MAF: variants seen among roughly 807,000 people sequenced by gnomAD.
The protein encoded by MAF is MAF bZIP transcription factor, also known as transcription factor Maf.
In MAF, 10 loss-of-function variants were observed where a neutral mutation model predicts 22.0. The ratio of observed to expected loss-of-function variants is 0.45; its 90% CI spans 0.28 to 0.77. MAF has a LOEUF of 0.77. Ranked by LOEUF, MAF falls within the 30% of genes least tolerant of loss-of-function variation. MAF has a pLI of 0.12. For synonymous variants in MAF, 337 were observed against 255.8 expected (o/e 1.32, Z -3.03); for missense variants, 544 against 548.4 (o/e 0.99, Z 0.08).
chr16:79,464,100 C>G, the MAF span, among the ~76,000 whole-genome samples: 1 of 152,186 alleles, frequency 6.6e-6, no homozygotes, highest in South Asian at 2.1e-4. Context: ...GTTCTCCACT[C>G]TTATTTTGCT....
chr16:79,458,650 T>C, the MAF span, among the ~76,000 whole-genome samples: 1 of 152,224 alleles, frequency 6.6e-6, no homozygotes, highest in East Asian at 1.9e-4. Context: ...TGAATTGTCC[T>C]TTTACATAAA....
chr16:79,246,051 C>A, the MAF span, among the ~76,000 whole-genome samples: 1 of 152,000 alleles, frequency 6.6e-6, no homozygotes, highest in African/African-American at 2.4e-5. Context: ...ATACCAGGGC[C>A]TGTCAGGGGG....
chr16:79,559,089 C>T, the MAF span, among the ~76,000 whole-genome samples: 1 of 152,128 alleles, frequency 6.6e-6, no homozygotes, highest in African/African-American at 2.4e-5. Flanking sequence ...GTTTCTGAAA[C>T]TACAGTACAG....
the MAF span, among the ~76,000 whole-genome samples, chr16:79,300,107 G>T: frequency 6.6e-6 from 1 of 152,118 alleles, no homozygotes; most frequent in African/African-American, 2.4e-5. Context: ...GGTCATGGGA[G>T]GATCAAGTAT....
At chr16:79,238,815 G>T in the MAF span, among the ~76,000 whole-genome samples, 1 of 151,980 alleles carries the variant, frequency 6.6e-6, no homozygotes, top group Non-Finnish European at 1.5e-5. Flanking sequence ...AGGCAGGCAG[G>T]ATCTCTTTTT....
At chr16:79,505,179 C>A in the MAF span, among the ~76,000 whole-genome samples, 15 of 152,122 alleles carry the variant, frequency 9.9e-5, no homozygotes, top group African/African-American at 3.6e-4. Flanking sequence ...GAAGATATTG[C>A]TGCTTCACAA....
the MAF span, among the ~76,000 whole-genome samples, chr16:79,510,103 C>A: frequency 6.6e-6 from 1 of 152,146 alleles, no homozygotes; most frequent in Non-Finnish European, 1.5e-5. Context: ...GGACGGCTAC[C>A]GAACTTTAAG....
the MAF span, among the ~76,000 whole-genome samples, chr16:79,577,832 A>G: frequency 6.6e-6 from 1 of 152,184 alleles, no homozygotes; most frequent in African/African-American, 2.4e-5. Flanking sequence ...AATGTTCTGA[A>G]TCTTGACTGT....
At chr16:79,547,658 A>T in the MAF span, among the ~76,000 whole-genome samples, 2 of 152,208 alleles carry the variant, frequency 1.3e-5, no homozygotes, top group Admixed American at 1.3e-4. Flanking sequence ...TTCACTGTGA[A>T]AGATTAAGAT....
At chr16:79,282,124 A>C in the MAF span, among the ~76,000 whole-genome samples, 3 of 152,046 alleles carry the variant, frequency 2.0e-5, no homozygotes, top group Non-Finnish European at 4.4e-5. Context: ...AAGATGGTGA[A>C]ACCCCGTCTC....
chr16:79,514,055 C>A, the MAF span, among the ~76,000 whole-genome samples: 2 of 152,214 alleles, frequency 1.3e-5, no homozygotes, highest in Non-Finnish European at 2.9e-5. Context: ...ATCCCTCCTT[C>A]CCCTACATTT....
chr16:79,246,514 T>C, the MAF span, among the ~76,000 whole-genome samples: 1 of 133,762 alleles, frequency 7.5e-6, no homozygotes, highest in Non-Finnish European at 1.6e-5. Flanking sequence ...TTTGATATGT[T>C]TGGTTTGGTT....
the MAF span, among the ~76,000 whole-genome samples, chr16:79,351,666 A>C: frequency 2.0e-5 from 3 of 151,594 alleles, no homozygotes; most frequent in African/African-American, 7.3e-5. Context: ...TTTTTTAAGC[A>C]GTATCCAAGG....
chr16:79,390,666 G>C, the MAF span, among the ~76,000 whole-genome samples: 13 of 152,130 alleles, frequency 8.5e-5, no homozygotes, highest in African/African-American at 3.1e-4. Context: ...CTGAATTCTT[G>C]CCATGGAGCT....
At chr16:79,539,104 T>C in the MAF span, among the ~76,000 whole-genome samples, 1 of 152,228 alleles carries the variant, frequency 6.6e-6, no homozygotes, top group African/African-American at 2.4e-5. Flanking sequence ...GTAAAATGAA[T>C]AATTCTAATA....
At chr16:79,431,719 G>T in the MAF span, among the ~76,000 whole-genome samples, 4 of 152,246 alleles carry the variant, frequency 2.6e-5, no homozygotes, top group Non-Finnish European at 5.9e-5. Flanking sequence ...GATTTCATTT[G>T]CATCACTAGC....
the MAF span, among the ~76,000 whole-genome samples, chr16:79,261,581 C>T: frequency 2.0e-5 from 3 of 152,198 alleles, no homozygotes; most frequent in Non-Finnish European, 2.9e-5. Flanking sequence ...TTCTCATGCC[C>T]TTCTCTGGGG....
the MAF span, among the ~76,000 whole-genome samples, chr16:79,514,728 C>A: frequency 6.6e-6 from 1 of 152,162 alleles, no homozygotes; most frequent in Non-Finnish European, 1.5e-5. Flanking sequence ...GGGAGGCTGT[C>A]GTAGGCGGCC....
chr16:79,362,803 C>T, the MAF span, among the ~76,000 whole-genome samples: 2 of 152,220 alleles, frequency 1.3e-5, no homozygotes, highest in Admixed American at 6.5e-5. Flanking sequence ...TGGTGCTCTA[C>T]TCCAGACCTG....
Sources: allele counts gnomAD v4.1 joint callset (sites outside exome capture counted in the v4.1 genomes callset), GRCh38; gene constraint gnomAD v4.1.1; transcripts MANE v1.5; gene names NCBI Gene and HGNC (gene_info 2026-07-23, HGNC 2026-07-21).